XIRP2: variants seen among roughly 807,000 people sequenced by gnomAD.
The protein encoded by XIRP2 is xin actin-binding repeat-containing protein 2.
A neutral mutation model predicts 277.0 loss-of-function variants in XIRP2; 236 were observed. That is an observed-to-expected ratio of 0.85 (90% CI 0.77 to 0.95). XIRP2 has a LOEUF of 0.95. Among genes scored for constraint, XIRP2 ranks in the 40% least tolerant of loss-of-function variants. The probability of loss-of-function intolerance (pLI) is 0.00; values close to 1 mark genes in which losing one functional copy is unlikely to be tolerated. For missense variants in XIRP2, 4,640 were observed against 4,157.5 expected, an observed-to-expected ratio of 1.12 and a Z score of -3.19; for synonymous variants, 1,490 against 1,416.5, an observed-to-expected ratio of 1.05 and a Z score of -1.17.
intron 2 of XIRP2, among the ~76,000 whole-genome samples, chr2:166,944,631 A>G (rs940900596): frequency 5.9e-5 from 9 of 152,214 alleles, no homozygotes; most frequent in Admixed American, 6.5e-5. Flanking sequence ...TCATGTGTTC[A>G]TGTAACTGGG....
rs762004789 is a variant in XIRP2 at position 167,248,364 on chromosome 2, G to T, written c.6972G>T (p.Gly2324=). The change falls in exon 9 of 11, where the codon GGG becomes GGT. Residue 2324 remains glycine, a synonymous_variant. Coordinates refer to ENST00000409195, the MANE Select transcript of XIRP2 (RefSeq NM_152381.6). Reference sequence around the variant, plus strand: ...TGATGATGTTTCCTGAAAAAAATGGGTTTCTTCCCTCACTGTCCACAGAGA... The same window carrying T: ...TGATGATGTTTCCTGAAAAAAATGGTTTTCTTCCCTCACTGTCCACAGAGA... ...PPLMMFPEKN[G]FLPSLSTEKI... 6.2e-7 allele frequency: 1 copy of T among 1,613,378 alleles called. No homozygotes were observed. Among genetic ancestry groups the T allele is most frequent in the Non-Finnish European group, 8.5e-7 (1 of 1,179,762 alleles).
chr2:167,089,120 G>C lies in XIRP2; in HGVS notation c.409-46789G>C, dbSNP rs1690065338. Among the ~76,000 whole-genome samples, 2 of 152,150 alleles carry C rather than the reference G, an allele frequency of 1.3e-5. 1 individual carries two copies. The highest frequency in any genetic ancestry group is 4.1e-4 in the South Asian group (2 of 4,830). ...CAGTGTACTACTTAGGATGATGTCA[G>C]CTTCATCCTCAGGTAAGCTACATTC... is the stretch of plus-strand genomic sequence containing the variant. On this transcript the variant is annotated intron_variant, in intron 2 of 10. Coordinates refer to ENST00000409195, the MANE Select transcript of XIRP2 (RefSeq NM_152381.6).
At chr2:167,076,019 G>T (rs2105256213) in intron 2 of XIRP2, among the ~76,000 whole-genome samples, 1 of 152,158 alleles carries the variant, frequency 6.6e-6, no homozygotes, top group African/African-American at 2.4e-5. Context: ...TCAGTTTGCA[G>T]AATAGGCAGT....
At chr2:167,025,755 T>C (rs1317944133) in intron 2 of XIRP2, among the ~76,000 whole-genome samples, 1 of 152,124 alleles carries the variant, frequency 6.6e-6, no homozygotes, top group Non-Finnish European at 1.5e-5. Context: ...TTCCATGTAG[T>C]TGAGCGGTTT....
At chr2:166,935,862 G>T (rs547363490) in intron 2 of XIRP2, among the ~76,000 whole-genome samples, 3 of 152,114 alleles carry the variant, frequency 2.0e-5, no homozygotes, top group African/African-American at 4.8e-5. Flanking sequence ...GAATAGTGCC[G>T]CAATAAACAT....
intron 3 of XIRP2, among the ~76,000 whole-genome samples, chr2:167,200,728 T>C (rs1693659546): frequency 6.6e-6 from 1 of 152,204 alleles, no homozygotes; most frequent in African/African-American, 2.4e-5. Flanking sequence ...TGACTGACTA[T>C]AATGGTGATT....
intron 2 of XIRP2, among the ~76,000 whole-genome samples, chr2:166,928,226 G>A (rs896347445): frequency 6.6e-6 from 1 of 152,104 alleles, no homozygotes; most frequent in African/African-American, 2.4e-5. Flanking sequence ...TTGGGAAGAA[G>A]AGAGAAGACA....
In XIRP2 at chr2:167,258,942, C is replaced by A. The variant is rs747315198; in HGVS notation, c.*1125C>A. ...AGTCCTGTGCAGCCTGCTCCAAAAC[C>A]AAGCCTCAGCAGAGGCCTTATGGTA... is the stretch of plus-strand genomic sequence containing the variant. On this transcript the variant is annotated 3_prime_UTR_variant, in exon 11 of 11. Transcript: ENST00000409195. 1.9e-6 allele frequency: 3 copies of A among 1,612,874 alleles called. No homozygotes were observed. The highest frequency in any genetic ancestry group is 2.7e-5 in the African/African-American group (2 of 74,810).
At chr2:167,110,728 T>C (rs892601166) in intron 2 of XIRP2, among the ~76,000 whole-genome samples, 4 of 152,340 alleles carry the variant, frequency 2.6e-5, no homozygotes, top group Non-Finnish European at 5.9e-5. Flanking sequence ...GGCAGTTTGA[T>C]AGGAATATCA....
intron 2 of XIRP2, among the ~76,000 whole-genome samples, chr2:166,934,866 TA>T (rs200327879): frequency 0.074 from 11,164 of 151,324 alleles, 899 homozygotes; most frequent in East Asian, 0.46. Context: ...AAAAATTTTT[TA>T]AAAAAGAAAA....
intron 3 of XIRP2, among the ~76,000 whole-genome samples, chr2:167,158,552 A>G (rs1692270393): frequency 6.6e-6 from 1 of 152,210 alleles, no homozygotes; most frequent in African/African-American, 2.4e-5. Context: ...CCATCTTCAC[A>G]GAGTTTACCA....
At position 167,243,600 on chromosome 2, in the gene XIRP2, C is replaced by A; in HGVS notation, c.2208C>A (p.Phe736Leu). The change falls in exon 9 of 11, where the codon TTC (phenylalanine) becomes TTA (leucine). Residue 736 changes from phenylalanine to leucine, a missense_variant. By Grantham distance (22) the Phe-to-Leu change is conservative. Transcript: ENST00000409195. ...ATGTTAAAAGAAGTATAAAATGTTTCGAAACTCAACCATTATATGTTATTA... is the reference window on the plus strand; with the variant it reads ...ATGTTAAAAGAAGTATAAAATGTTTAGAAACTCAACCATTATATGTTATTA... ...KGNVKRSIKC[F>L]ETQPLYVIRD... is the part of the protein sequence containing the mutation. 2 of 1,613,852 alleles carry A rather than the reference C, an allele frequency of 1.2e-6. No homozygotes were observed. The highest frequency in any genetic ancestry group is 1.7e-6 in the Non-Finnish European group (2 of 1,179,956).
intron 5 of XIRP2, among the ~76,000 whole-genome samples, chr2:167,232,175 A>AATC (rs1694777910): frequency 6.6e-6 from 1 of 152,032 alleles, no homozygotes; most frequent in Non-Finnish European, 1.5e-5. Flanking sequence ...ATCATACAAC[A>AATC]GTATCTTTTA....
intron 2 of XIRP2, among the ~76,000 whole-genome samples, chr2:166,911,984 G>A (rs1040062916): frequency 6.6e-6 from 1 of 152,198 alleles, no homozygotes; most frequent in African/African-American, 2.4e-5. Context: ...TCCACTGTTA[G>A]TCTGATGGGC....
chr2:167,096,140 T>A (rs1690311087), intron 2 of XIRP2, among the ~76,000 whole-genome samples: 1 of 151,996 alleles, frequency 6.6e-6, no homozygotes, highest in South Asian at 2.1e-4. Context: ...CTCCTCTTTG[T>A]ACCTCTGGTA....
chr2:167,086,052 T>A (rs1043126373), intron 2 of XIRP2, among the ~76,000 whole-genome samples: 49 of 152,302 alleles, frequency 3.2e-4, no homozygotes, highest in Non-Finnish European at 5.9e-4. Context: ...GGTCTTTACA[T>A]TTTGGCATGA....
chr2:167,176,852 C>T (rs1332001598), intron 3 of XIRP2, among the ~76,000 whole-genome samples: 1 of 152,186 alleles, frequency 6.6e-6, no homozygotes, highest in African/African-American at 2.4e-5. Context: ...CTTAGCTCCC[C>T]TGCACTCCTT....
chr2:167,089,361 G>A (rs554859834), intron 2 of XIRP2, among the ~76,000 whole-genome samples: 3 of 152,138 alleles, frequency 2.0e-5, no homozygotes, highest in African/African-American at 7.2e-5. Flanking sequence ...CTTTCAAGTA[G>A]CAATGTTGTT....
At chr2:167,070,917 AT>A (rs765429948) in intron 2 of XIRP2, among the ~76,000 whole-genome samples, 44 of 152,342 alleles carry the variant, frequency 2.9e-4, no homozygotes, top group Non-Finnish European at 5.4e-4. Context: ...ATCTGTTGAC[AT>A]CTTTATACTA....
Sources: allele counts gnomAD v4.1 joint callset (sites outside exome capture counted in the v4.1 genomes callset), GRCh38; gene constraint gnomAD v4.1.1; transcripts MANE v1.5; gene names NCBI Gene and HGNC (gene_info 2026-07-23, HGNC 2026-07-21).